Variants in BABAM2 observed in about 807,000 individuals in gnomAD.
The protein encoded by BABAM2 is BRISC and BRCA1 A complex member 2.
In BABAM2, 31 loss-of-function variants were observed where a neutral mutation model predicts 54.7. The ratio of observed to expected loss-of-function variants is 0.57; its 90% CI spans 0.43 to 0.77. The LOEUF is 0.77. Ranked by LOEUF, BABAM2 falls within the 30% of genes least tolerant of loss-of-function variation. BABAM2 has a pLI of 0.00. For synonymous variants in BABAM2, 167 were observed against 162.9 expected, an observed-to-expected ratio of 1.03 and a Z score of -0.19; for missense variants, 364 against 455.8, an observed-to-expected ratio of 0.80 and a Z score of 1.83.
intron 7 of BABAM2, among the ~76,000 whole-genome samples, chr2:28,203,453 A>G (rs1270711449): frequency 6.6e-6 from 1 of 152,210 alleles, no homozygotes; most frequent in Non-Finnish European, 1.5e-5. Context: ...ACCTTGGGTT[A>G]GAGAGTTGAA....
At position 28,016,487 on chromosome 2, in the gene BABAM2, C is replaced by CT; in HGVS notation, c.301-8738dup. 2.7e-6 allele frequency: 3 copies of CT among 1,093,322 alleles called. No homozygotes were observed. The East Asian group carries it at 7.2e-5, about 26-fold the overall frequency. 67.7% of individuals were successfully genotyped at this position (1,093,322 alleles called of 1,614,324 possible). On this transcript the variant is annotated intron_variant, in intron 4 of 11. Coordinates refer to ENST00000379624, the MANE Select transcript of BABAM2 (RefSeq NM_199191.3). ...CCATTTGTCCCACTTGCCCATGGTG[C>CT]TGGGCTGAGCACACAGTCGCACGCC...
chr2:28,285,522 A>C (rs1244985188), intron 10 of BABAM2, among the ~76,000 whole-genome samples: 1 of 152,200 alleles, frequency 6.6e-6, no homozygotes, highest in Non-Finnish European at 1.5e-5. Flanking sequence ...AGGTTTCTGC[A>C]TGGGGGAATG....
chr2:28,301,316 T>G (rs1165523127), intron 11 of BABAM2, among the ~76,000 whole-genome samples: 1 of 152,220 alleles, frequency 6.6e-6, no homozygotes, highest in East Asian at 1.9e-4. Flanking sequence ...ACCAGGGCTT[T>G]TCCTACCACA....
intron 11 of BABAM2, among the ~76,000 whole-genome samples, chr2:28,302,380 G>A (rs1249536555): frequency 6.7e-6 from 1 of 149,258 alleles, no homozygotes; most frequent in Non-Finnish European, 1.5e-5. Context: ...TCACACCACT[G>A]CACTCCAGCC....
chr2:28,003,465 C>A (rs1278065054), intron 4 of BABAM2, among the ~76,000 whole-genome samples: 1 of 152,100 alleles, frequency 6.6e-6, no homozygotes, highest in Admixed American at 6.6e-5. Flanking sequence ...GTGGTGCGCA[C>A]CTGTAATTGC....
intron 6 of BABAM2, among the ~76,000 whole-genome samples, chr2:28,096,407 G>A (rs1200858544): frequency 3.9e-5 from 6 of 152,048 alleles, no homozygotes; most frequent in Non-Finnish European, 7.4e-5. Flanking sequence ...TTAAGCTATG[G>A]TGGAGAAAAT....
intron 9 of BABAM2, among the ~76,000 whole-genome samples, chr2:28,243,330 G>A (rs925616229): frequency 2.6e-5 from 4 of 151,998 alleles, no homozygotes; most frequent in Non-Finnish European, 5.9e-5. Flanking sequence ...TCAGGAGTTC[G>A]AGACCAGCCT....
chr2:28,046,535 CT>C (rs1677592363), intron 6 of BABAM2, among the ~76,000 whole-genome samples: 1 of 152,074 alleles, frequency 6.6e-6, no homozygotes, highest in African/African-American at 2.4e-5. Flanking sequence ...TGTATTTGTA[CT>C]TGTGGTTCTT....
intron 6 of BABAM2, among the ~76,000 whole-genome samples, chr2:28,097,406 T>C (rs1296560627): frequency 6.6e-6 from 1 of 152,176 alleles, no homozygotes; most frequent in Non-Finnish European, 1.5e-5. Flanking sequence ...TTTTATTTAT[T>C]TTTGCTAAGT....
At chr2:28,032,449 CT>C (rs1172968983) in intron 5 of BABAM2, among the ~76,000 whole-genome samples, 4 of 152,134 alleles carry the variant, frequency 2.6e-5, no homozygotes, top group East Asian at 3.8e-4. Context: ...TCCCTGCCCC[CT>C]GAACCTCCAT....
intron 7 of BABAM2, among the ~76,000 whole-genome samples, chr2:28,159,771 T>A (rs1672880982): frequency 6.6e-6 from 1 of 151,728 alleles, no homozygotes; most frequent in Admixed American, 6.6e-5. Flanking sequence ...TCCCAGCGAC[T>A]CAGGAGGCTA....
intron 7 of BABAM2, among the ~76,000 whole-genome samples, chr2:28,132,939 A>G (rs1356952399): frequency 6.6e-6 from 1 of 152,250 alleles, no homozygotes; most frequent in Non-Finnish European, 1.5e-5. Context: ...TTCTAGGTGA[A>G]TAAGTAGTTC....
intron 6 of BABAM2, among the ~76,000 whole-genome samples, chr2:28,094,574 A>C (rs6710214): frequency 1.3e-5 from 2 of 151,854 alleles, no homozygotes; most frequent in South Asian, 4.1e-4. Context: ...GAGCTTTACA[A>C]ATTATCTAGT....
chr2:28,315,141 G>A (rs935687911), intron 11 of BABAM2, among the ~76,000 whole-genome samples: 2 of 150,886 alleles, frequency 1.3e-5, no homozygotes, highest in Admixed American at 6.6e-5. Flanking sequence ...AGAAGGAGAG[G>A]GGAGGAGATA....
intron 11 of BABAM2, among the ~76,000 whole-genome samples, chr2:28,331,847 G>A (rs946008249): frequency 6.6e-6 from 1 of 152,150 alleles, no homozygotes; most frequent in Admixed American, 6.5e-5. Flanking sequence ...AAATCATTCT[G>A]TTATAAAGAT....
intron 4 of BABAM2, among the ~76,000 whole-genome samples, chr2:27,996,783 C>T (rs1025463443): frequency 1.3e-5 from 2 of 152,316 alleles, no homozygotes; most frequent in Admixed American, 1.3e-4. Context: ...GGAGCAGCTG[C>T]AGACATCAGC....
chr2:28,089,247 C>T (rs1247676404), intron 6 of BABAM2, among the ~76,000 whole-genome samples: 1 of 152,136 alleles, frequency 6.6e-6, no homozygotes, highest in African/African-American at 2.4e-5. Flanking sequence ...CATCCACAGA[C>T]ATGGTACCTA....
chr2:28,328,886 A>G (rs1261084876), intron 11 of BABAM2, among the ~76,000 whole-genome samples: 4 of 152,116 alleles, frequency 2.6e-5, no homozygotes, highest in African/African-American at 4.8e-5. Flanking sequence ...TTTGGGTTGT[A>G]TATTCTGTGT....
chr2:28,134,512 C>A (rs1404653301), intron 7 of BABAM2: 3 of 152,268 alleles, frequency 2.0e-5, no homozygotes, highest in Non-Finnish European at 2.9e-5. Context: ...GGTTTAAAGA[C>A]AACCAGCTTC....
Sources: gnomAD v4.1 joint callset for allele counts (sites outside exome capture counted in the v4.1 genomes callset) on GRCh38, gnomAD v4.1.1 for gene constraint, MANE v1.5 for transcripts, NCBI Gene and HGNC (gene_info 2026-07-23, HGNC 2026-07-21) for gene names.